Variants in ARAP2 observed in about 807,000 individuals in gnomAD.
ARAP2 encodes ArfGAP with RhoGAP domain, ankyrin repeat and PH domain 2, also known as arf-GAP with Rho-GAP domain, ANK repeat and PH domain-containing protein 2.
A neutral mutation model predicts 194.5 loss-of-function variants in ARAP2; 148 were observed. The ratio of observed to expected loss-of-function variants is 0.76; its 90% CI spans 0.67 to 0.87. The LOEUF (loss-of-function observed/expected upper bound fraction) is 0.87. Among genes scored for constraint, ARAP2 ranks in the 40% least tolerant of loss-of-function variants. The pLI is 0.00. For missense variants in ARAP2, 2,128 were observed against 1,989.7 expected, an observed-to-expected ratio of 1.07 and a Z score of -1.32; for synonymous variants, 695 against 683.5, an observed-to-expected ratio of 1.02 and a Z score of -0.26.
chr4:36,220,968 C>T (rs570823189), intron 2 of ARAP2, among the ~76,000 whole-genome samples: 15 of 152,082 alleles, frequency 9.9e-5, no homozygotes, highest in Non-Finnish European at 2.1e-4. Context: ...GTAATGTCCT[C>T]GGCTTCACCT....
At chr4:36,106,929 G>T (rs190588454) in intron 27 of ARAP2, among the ~76,000 whole-genome samples, 17 of 150,986 alleles carry the variant, frequency 1.1e-4, no homozygotes, top group South Asian at 4.2e-4. Context: ...GCTTTTTTTT[G>T]ATCTTTCAGT....
chr4:36,092,717 T>G (rs775067582), intron 27 of ARAP2, among the ~76,000 whole-genome samples: 1 of 152,196 alleles, frequency 6.6e-6, no homozygotes, highest in African/African-American at 2.4e-5. Flanking sequence ...ATACTGGTAA[T>G]TTTACCTGTT....
intron 5 of ARAP2, among the ~76,000 whole-genome samples, chr4:36,035,788 A>T (rs150775011): frequency 6.6e-6 from 1 of 152,230 alleles, no homozygotes; most frequent in Non-Finnish European, 1.5e-5. Context: ...TTATATTTAG[A>T]TTTGAATCTG....
chr4:36,144,895 C>A (rs886869842), intron 19 of ARAP2, among the ~76,000 whole-genome samples: 1 of 151,978 alleles, frequency 6.6e-6, no homozygotes, highest in African/African-American at 2.4e-5. Flanking sequence ...AGATGAATAC[C>A]TTCATGATGA....
chr4:36,054,475 TAATC>T (rs951707458), intron 2 of ARAP2, among the ~76,000 whole-genome samples: 2 of 152,184 alleles, frequency 1.3e-5, no homozygotes, highest in Non-Finnish European at 2.9e-5. Context: ...GATTCAATGA[TAATC>T]TATTGGGGAA....
At chr4:36,235,932 T>C (rs1752358309) in intron 1 of ARAP2, among the ~76,000 whole-genome samples, 1 of 152,088 alleles carries the variant, frequency 6.6e-6, no homozygotes, top group African/African-American at 2.4e-5. Flanking sequence ...ATTGCAGCGC[T>C]TTGGGAGGCA....
chr4:36,058,670 G>T (rs1723920942), intron 1 of ARAP2, among the ~76,000 whole-genome samples: 2 of 152,058 alleles, frequency 1.3e-5, no homozygotes, highest in South Asian at 2.1e-4. Context: ...ATTATGCCAT[G>T]ATTCATTCAT....
In ARAP2 at chr4:36,186,660, A is replaced by T. The variant is rs182470847; in HGVS notation, c.1678+791T>A. On this transcript the variant is annotated intron_variant, in intron 8 of 32. Transcript: ENST00000303965. ...ACTCCTGGCTGCATCTATAGCCACC[A>T]CTGGCATTACTGCCTGAGCTCTGCC... Among the ~76,000 whole-genome samples the T allele has an allele frequency of 2.3e-4, 35 of 152,348 alleles. No individual in the cohort carries two copies. The East Asian group carries it at 6.4e-3, about 28-fold the overall frequency.
At chr4:36,082,858 G>C (rs1370842579) in intron 29 of ARAP2, among the ~76,000 whole-genome samples, 2 of 152,146 alleles carry the variant, frequency 1.3e-5, no homozygotes, top group Non-Finnish European at 1.5e-5. Flanking sequence ...GCAATCTGTA[G>C]GAGGCACCCA....
chr4:36,223,585 T>C (rs770273282), intron 2 of ARAP2, among the ~76,000 whole-genome samples: 1 of 152,172 alleles, frequency 6.6e-6, no homozygotes, highest in Non-Finnish European at 1.5e-5. Context: ...ACAAAATTCA[T>C]ATGTTCAAAC....
chr4:36,187,850 A>T (rs529208072), intron 7 of ARAP2, among the ~76,000 whole-genome samples: 1 of 152,350 alleles, frequency 6.6e-6, no homozygotes, highest in African/African-American at 2.4e-5. Context: ...TAAACTAGCA[A>T]TACAGAGTTC....
At chr4:36,006,475 A>G (rs931573785) in intron 10 of ARAP2, 8 of 152,202 alleles carry the variant, frequency 5.3e-5, no homozygotes, top group African/African-American at 1.9e-4. Flanking sequence ...AGTGTGTAGT[A>G]GAACTAATAA....
chr4:36,042,749 T>C (rs1017482540), intron 5 of ARAP2, among the ~76,000 whole-genome samples: 1 of 152,196 alleles, frequency 6.6e-6, no homozygotes, highest in African/African-American at 2.4e-5. Context: ...GTGGATATCA[T>C]GCTAATGGCT....
At position 36,067,967 on chromosome 4, in the gene ARAP2, C is replaced by T. The variant is rs781094907; in HGVS notation, c.5055G>A (p.Val1685=). 7.4e-6 allele frequency: 12 copies of T among 1,613,686 alleles called. No homozygotes were observed. The highest frequency in any genetic ancestry group is 9.3e-6 in the Non-Finnish European group (11 of 1,179,800). ...LPSRVIEELN[V]VLQRSRTLPK... The stretch of plus-strand genomic sequence containing the variant: ...GAAGGGTTCTTGACCGTTGTAGAAC[C>T]ACATTAAGTTCTTCAATTACCCTTG... Residue 1685 remains valine (V), a synonymous_variant, in exon 33 of 33, where the codon GTG becomes GTA. Transcript: ENST00000303965.
At chr4:36,073,848 T>C (rs748709152) in intron 31 of ARAP2, 25 bp from the exon 32 acceptor site, 1 of 1,611,712 alleles carries the variant, frequency 6.2e-7, no homozygotes, top group Non-Finnish European at 8.5e-7. Context: ...TTTCTTGCTG[T>C]TGGTGTGTGA....
chr4:36,113,064 C>A (rs1185649640), intron 26 of ARAP2, among the ~76,000 whole-genome samples: 1 of 151,794 alleles, frequency 6.6e-6, no homozygotes, highest in Admixed American at 6.6e-5. Flanking sequence ...TAAAGAGAAT[C>A]CAGGCAGTAT....
intron 9 of ARAP2, among the ~76,000 whole-genome samples, chr4:36,010,534 T>C (rs375387678): frequency 2.1e-4 from 32 of 152,252 alleles, no homozygotes; most frequent in African/African-American, 7.7e-4. Context: ...CTGATTCACA[T>C]ACAAGCACCA....
intron 5 of ARAP2, among the ~76,000 whole-genome samples, chr4:36,043,860 G>GGGAAGGGGA (rs756103763): frequency 3.0e-5 from 1 of 32,792 alleles, no homozygotes; most frequent in Non-Finnish European, 6.1e-5. Context: ...GGGGAGGGGG[G>GGGAAGGGGA]AGGGGAAGGG....
chr4:36,095,127 A>C (rs185058978), intron 27 of ARAP2, among the ~76,000 whole-genome samples: 1 of 152,278 alleles, frequency 6.6e-6, no homozygotes, highest in East Asian at 1.9e-4. Flanking sequence ...CTTATGTCAG[A>C]AAAGCTCCCC....
Sources: gnomAD v4.1 joint callset for allele counts (sites outside exome capture counted in the v4.1 genomes callset) on GRCh38, gnomAD v4.1.1 for gene constraint, MANE v1.5 for transcripts, NCBI Gene and HGNC (gene_info 2026-07-23, HGNC 2026-07-21) for gene names.